Variants in GABRA3 observed in about 807,000 individuals in gnomAD.
GABRA3 encodes the protein gamma-aminobutyric acid receptor subunit alpha-3.
A neutral mutation model predicts 30.1 loss-of-function variants in GABRA3; 10 were observed. That is an observed-to-expected ratio of 0.33 (90% CI 0.20 to 0.56). GABRA3 has a LOEUF of 0.56. GABRA3 is among the 20% of genes least tolerant of loss of function. GABRA3 has a pLI of 0.89. For missense variants in GABRA3, 233 were observed against 392.0 expected (o/e 0.59, Z 3.42); for synonymous variants, 151 against 146.8 (o/e 1.03, Z -0.21).
chrX:152,177,555 A>G (rs1354994158), intron 9 of GABRA3, among the ~76,000 whole-genome samples: 1 of 97,709 alleles, frequency 1.0e-5, no homozygotes, highest in African/African-American at 3.9e-5. Flanking sequence ...ACTTACTGTC[A>G]CTGTTTTTCT....
chrX:152,316,064 C>G (rs991014390), intron 3 of GABRA3, among the ~76,000 whole-genome samples: 1 of 97,429 alleles, frequency 1.0e-5, no homozygotes, highest in African/African-American at 3.9e-5. Flanking sequence ...CCAACCAGCA[C>G]AAAATTAGTG....
intron 4 of GABRA3, among the ~76,000 whole-genome samples, chrX:152,269,604 T>TA (rs1043532484): frequency 8.9e-6 from 1 of 111,804 alleles, no homozygotes; most frequent in Non-Finnish European, 1.9e-5. Flanking sequence ...AAAGCAATAC[T>TA]AAAAAAACAC....
chrX:152,314,901 C>G (rs1948757246), intron 3 of GABRA3, among the ~76,000 whole-genome samples: 1 of 111,703 alleles, frequency 9.0e-6, no homozygotes, highest in Non-Finnish European at 1.9e-5. Context: ...CCAAGCTAAC[C>G]TCTACATTAA....
intron 1 of GABRA3, among the ~76,000 whole-genome samples, chrX:152,418,403 A>G (rs1336256277): frequency 8.9e-6 from 1 of 111,854 alleles, no homozygotes; most frequent in African/African-American, 3.2e-5. Flanking sequence ...TTGGAAATTA[A>G]GCAAATTAAT....
At chrX:152,304,099 A>G (rs886266264) in intron 3 of GABRA3, among the ~76,000 whole-genome samples, 2 of 112,031 alleles carry the variant, frequency 1.8e-5, no homozygotes, top group Admixed American at 9.5e-5. Context: ...GGATGTTTGT[A>G]TATCTCCTTT....
intron 5 of GABRA3, among the ~76,000 whole-genome samples, chrX:152,243,319 A>G (rs763519210): frequency 8.9e-6 from 1 of 112,054 alleles, no homozygotes; most frequent in African/African-American, 3.2e-5. Flanking sequence ...ATATTTAAAA[A>G]TCGCTGAGAG....
intron 6 of GABRA3, among the ~76,000 whole-genome samples, chrX:152,223,607 G>C (rs772265121): frequency 9.2e-6 from 1 of 108,553 alleles, no homozygotes; most frequent in East Asian, 2.9e-4. Context: ...TCAGACATAC[G>C]GTATTTTTCC....
intron 2 of GABRA3, among the ~76,000 whole-genome samples, chrX:152,363,058 T>C (rs1291252254): frequency 9.0e-6 from 1 of 111,497 alleles, no homozygotes; most frequent in African/African-American, 3.3e-5. Context: ...AGAATGAAGA[T>C]TGAGATGGGA....
At chrX:152,289,681 G>A (rs1176207484) in intron 3 of GABRA3, among the ~76,000 whole-genome samples, 1 of 98,628 alleles carries the variant, frequency 1.0e-5, no homozygotes, top group Non-Finnish European at 2.0e-5. Context: ...CCCACCCCAC[G>A]ACAGGCCCTG....
At chrX:152,442,959 G>A (rs1930972597) in intron 1 of GABRA3, among the ~76,000 whole-genome samples, 1 of 111,069 alleles carries the variant, frequency 9.0e-6, no homozygotes, top group Admixed American at 9.5e-5. Context: ...TCTTAAACAC[G>A]AATTCATCAG....
intron 5 of GABRA3, among the ~76,000 whole-genome samples, chrX:152,225,819 T>G: frequency 9.1e-6 from 1 of 110,468 alleles, no homozygotes; most frequent in Non-Finnish European, 1.9e-5. Context: ...CTAGCCTTTA[T>G]ACTTCCTGGT....
intron 9 of GABRA3, among the ~76,000 whole-genome samples, chrX:152,180,389 T>C (rs1193551193): frequency 1.8e-5 from 2 of 112,259 alleles, no homozygotes; most frequent in African/African-American, 6.5e-5. Flanking sequence ...AATTTTTAAA[T>C]TGGGTTGTTT....
At chrX:152,401,168 T>A (rs1929783911) in intron 1 of GABRA3, among the ~76,000 whole-genome samples, 1 of 110,353 alleles carries the variant, frequency 9.1e-6, no homozygotes, top group African/African-American at 3.3e-5. Context: ...TGTAGTAGTT[T>A]GTTACATCAG....
chrX:152,389,755 G>A (rs1929426963), intron 1 of GABRA3, among the ~76,000 whole-genome samples: 1 of 111,317 alleles, frequency 9.0e-6, no homozygotes, highest in Non-Finnish European at 1.9e-5. Context: ...CACTGATGGA[G>A]GGGAAGAATA....
At chrX:152,411,722 T>C (rs990902487) in intron 1 of GABRA3, among the ~76,000 whole-genome samples, 7 of 111,500 alleles carry the variant, frequency 6.3e-5, no homozygotes, top group Non-Finnish European at 1.1e-4. Context: ...GATAGATAAA[T>C]TGGATTCCAT....
intron 5 of GABRA3, among the ~76,000 whole-genome samples, chrX:152,226,954 C>A (rs1233157262): frequency 9.0e-6 from 1 of 111,306 alleles, no homozygotes; most frequent in East Asian, 2.9e-4. Context: ...CTAGTTCAAC[C>A]ATTGTGGAAG....
intron 4 of GABRA3, among the ~76,000 whole-genome samples, chrX:152,269,931 G>T (rs1474711696): frequency 8.9e-6 from 1 of 111,737 alleles, no homozygotes; most frequent in Non-Finnish European, 1.9e-5. Flanking sequence ...ATACTGGCCT[G>T]GGTACAGATG....
intron 9 of GABRA3, among the ~76,000 whole-genome samples, chrX:152,185,638 AAC>A (rs1937243086): frequency 9.0e-6 from 1 of 111,666 alleles, no homozygotes; most frequent in African/African-American, 3.3e-5. Context: ...ACCAAACTGG[AAC>A]AGTGTACTCT....
rs771159435 is a variant in GABRA3 at position 152,233,351 on chromosome X, GC to G, written c.552-8507del. ...GTCAATTTTGGCTTTTGTTGCCATT[GC>G]TTTTGGTGTTTTAGCCATCAAAAAG... On this transcript the variant is annotated intron_variant, in intron 5 of 9. Transcript: ENST00000370314. 1.4e-4 allele frequency among the ~76,000 whole-genome samples: 15 copies of G among 111,046 alleles called. No individual in the cohort carries two copies. The South Asian group carries it at 4.1e-3, about 31-fold the overall frequency.
Sources: gnomAD v4.1 joint callset for allele counts (sites outside exome capture counted in the v4.1 genomes callset) on GRCh38, gnomAD v4.1.1 for gene constraint, MANE v1.5 for transcripts, NCBI Gene and HGNC (gene_info 2026-07-23, HGNC 2026-07-21) for gene names.